The following SCFD2 variants were observed in gnomAD, a reference collection of about 807,000 sequenced individuals.
SCFD2 encodes sec1 family domain containing 2, also known as sec1 family domain-containing protein 2.
A neutral mutation model predicts 58.9 loss-of-function variants in SCFD2; 54 were observed. That is an observed-to-expected ratio of 0.92 (90% CI 0.74 to 1.15). The LOEUF (loss-of-function observed/expected upper bound fraction) is 1.15, where lower values mean the gene tolerates loss of function less well. SCFD2 is among the 50% of genes most tolerant of loss of function. The pLI is 0.00. For missense variants in SCFD2, 805 were observed against 836.6 expected, an observed-to-expected ratio of 0.96 and a Z score of 0.47; for synonymous variants, 321 against 335.9, an observed-to-expected ratio of 0.96 and a Z score of 0.49.
chr4:52,958,497 T>C (rs1233935870), intron 5 of SCFD2, among the ~76,000 whole-genome samples: 1 of 152,244 alleles, frequency 6.6e-6, no homozygotes, highest in Admixed American at 6.5e-5. Context: ...ACATTTTTTA[T>C]GTTGTCATGA....
chr4:53,125,900 T>A lies in SCFD2; in HGVS notation c.1561+19433A>T, dbSNP rs571778136. Among the ~76,000 whole-genome samples, 42 of 151,928 alleles carry A rather than the reference T, an allele frequency of 2.8e-4. No homozygotes were observed. The South Asian group carries it at 6.9e-3, about 25-fold the overall frequency. ...ATGGTTCCATCCAGGTTGGGAAGAG[T>A]ATGGGAGAGCATCCAGAAAGGACTA... On this transcript the variant is annotated intron_variant, in intron 5 of 8. Coordinates refer to ENST00000401642, the MANE Select transcript of SCFD2 (RefSeq NM_152540.4).
intron 4 of SCFD2, among the ~76,000 whole-genome samples, chr4:53,230,189 T>G (rs1251103079): frequency 6.6e-6 from 1 of 152,126 alleles, no homozygotes; most frequent in East Asian, 1.9e-4. Flanking sequence ...GTAAACTAGT[T>G]CAACCATTGT....
chr4:53,271,342 G>C (rs1284234890), intron 4 of SCFD2, among the ~76,000 whole-genome samples: 1 of 151,158 alleles, frequency 6.6e-6, no homozygotes, highest in Non-Finnish European at 1.5e-5. Context: ...CAGCACAAAT[G>C]CAACAGCCTA....
intron 5 of SCFD2, among the ~76,000 whole-genome samples, chr4:53,137,395 A>C (rs1391876696): frequency 6.6e-6 from 1 of 152,242 alleles, no homozygotes. Flanking sequence ...TGAAGGAGGA[A>C]GTCAGAAAGA....
At chr4:53,021,395 A>G (rs1722345891) in intron 5 of SCFD2, among the ~76,000 whole-genome samples, 2 of 152,214 alleles carry the variant, frequency 1.3e-5, no homozygotes, top group African/African-American at 4.8e-5. Flanking sequence ...AACTTTCAAC[A>G]TAATTTATTC....
In SCFD2 at chr4:53,157,419, C is replaced by G. The variant is rs551429832; in HGVS notation, c.1312-11837G>C. ...AGCATCAAACAAGGATATCCACAAG[C>G]ATCTAAAAAAGCCATCACAATATTC... On this transcript the variant is annotated intron_variant, in intron 4 of 8. Coordinates refer to ENST00000401642, the MANE Select transcript of SCFD2 (RefSeq NM_152540.4). Among the ~76,000 whole-genome samples the G allele has an allele frequency of 5.3e-5, 8 of 152,290 alleles. No individual in the cohort carries two copies. In the South Asian group the frequency reaches 1.2e-3, roughly 24 times the overall value.
At chr4:52,878,824 C>G (rs1718539419) in intron 8 of SCFD2, among the ~76,000 whole-genome samples, 1 of 152,138 alleles carries the variant, frequency 6.6e-6, no homozygotes, top group African/African-American at 2.4e-5. Flanking sequence ...CAATGCTTGC[C>G]CATCATACGT....
intron 5 of SCFD2, among the ~76,000 whole-genome samples, chr4:53,140,898 A>G (rs1314969862): frequency 6.6e-6 from 1 of 152,180 alleles, no homozygotes; most frequent in Non-Finnish European, 1.5e-5. Context: ...AGCACACTTA[A>G]ATTTTTAGTA....
intron 5 of SCFD2, among the ~76,000 whole-genome samples, chr4:53,028,589 T>G (rs926621840): frequency 6.6e-6 from 1 of 152,070 alleles, no homozygotes. Flanking sequence ...AATAGAGTGC[T>G]TCTTATTCAA....
intron 5 of SCFD2, among the ~76,000 whole-genome samples, chr4:53,110,950 A>G (rs1725152411): frequency 6.6e-6 from 1 of 152,226 alleles, no homozygotes; most frequent in Non-Finnish European, 1.5e-5. Flanking sequence ...ATGCTCATCA[A>G]TGATAGACTG....
At chr4:53,308,511 T>C (rs1732585720) in intron 3 of SCFD2, among the ~76,000 whole-genome samples, 1 of 152,146 alleles carries the variant, frequency 6.6e-6, no homozygotes, top group Non-Finnish European at 1.5e-5. Context: ...TTTCTCTCTC[T>C]CTTATACACA....
chr4:53,309,742 T>C (rs1210757597), intron 3 of SCFD2, among the ~76,000 whole-genome samples: 1 of 152,160 alleles, frequency 6.6e-6, no homozygotes, highest in East Asian at 1.9e-4. Flanking sequence ...GGAGAAATAA[T>C]CTAACTTGAT....
At chr4:53,285,935 C>G (rs1025569693) in intron 3 of SCFD2, among the ~76,000 whole-genome samples, 2 of 152,130 alleles carry the variant, frequency 1.3e-5, no homozygotes, top group African/African-American at 4.8e-5. Context: ...TCCCACCACC[C>G]ACCACCTCCC....
At chr4:52,994,853 A>G (rs573743708) in intron 5 of SCFD2, among the ~76,000 whole-genome samples, 1 of 152,092 alleles carries the variant, frequency 6.6e-6, no homozygotes, top group Non-Finnish European at 1.5e-5. Flanking sequence ...TACCATCATC[A>G]TCGTCATAAA....
intron 4 of SCFD2, among the ~76,000 whole-genome samples, chr4:53,196,915 C>T (rs1056582314): frequency 1.3e-5 from 2 of 152,062 alleles, no homozygotes; most frequent in Non-Finnish European, 2.9e-5. Flanking sequence ...TTGGTTGAAT[C>T]GATATACTTT....
chr4:53,323,559 T>A (rs941998829), intron 2 of SCFD2, among the ~76,000 whole-genome samples: 1 of 143,288 alleles, frequency 7.0e-6, no homozygotes, highest in African/African-American at 2.7e-5. Flanking sequence ...TTTTTTTTAC[T>A]TTTTGCGGAG....
At chr4:53,274,854 A>G (rs1464005275) in intron 3 of SCFD2, among the ~76,000 whole-genome samples, 1 of 152,226 alleles carries the variant, frequency 6.6e-6, no homozygotes, top group Non-Finnish European at 1.5e-5. Context: ...CCCACCAGGC[A>G]AAAAGGCAAT....
chr4:53,201,378 T>A (rs568227519), intron 4 of SCFD2, among the ~76,000 whole-genome samples: 1 of 152,322 alleles, frequency 6.6e-6, no homozygotes, highest in Admixed American at 6.5e-5. Flanking sequence ...GGCTCCATAG[T>A]ATTCCATGGT....
intron 7 of SCFD2, among the ~76,000 whole-genome samples, chr4:52,901,478 A>G (rs1719197978): frequency 6.6e-6 from 1 of 152,306 alleles, no homozygotes; most frequent in South Asian, 2.1e-4. Context: ...GGCCCTTGGA[A>G]TGCAGCTGCC....
Sources: allele counts gnomAD v4.1 joint callset (sites outside exome capture counted in the v4.1 genomes callset), GRCh38; gene constraint gnomAD v4.1.1; transcripts MANE v1.5; gene names NCBI Gene and HGNC (gene_info 2026-07-23, HGNC 2026-07-21).